Variants in ATG16L1 observed in about 807,000 individuals in gnomAD.
ATG16L1 encodes autophagy related 16 like 1.
ATG16L1 carries 37 observed loss-of-function variants against 88.5 expected under a neutral mutation model. That is an observed-to-expected ratio of 0.42 (90% CI 0.32 to 0.55). ATG16L1 has a LOEUF of 0.55. Ranked by LOEUF, ATG16L1 falls within the 20% of genes least tolerant of loss-of-function variation. The pLI, the probability that ATG16L1 is intolerant of heterozygous loss-of-function variation, is 0.13. For missense variants in ATG16L1, 554 were observed against 752.8 expected, an observed-to-expected ratio of 0.74 and a Z score of 3.09; for synonymous variants, 301 against 281.0, an observed-to-expected ratio of 1.07 and a Z score of -0.71.
intron 12 of ATG16L1, chr2:233,288,619 C>T (rs1269869947): frequency 2.5e-5 from 10 of 400,982 alleles, no homozygotes; most frequent in Non-Finnish European, 4.5e-5. Flanking sequence ...TCAGTGAATA[C>T]CTTCTGAACC....
At chr2:233,286,209 C>A (rs1004234668) in intron 12 of ATG16L1, among the ~76,000 whole-genome samples, 2 of 152,072 alleles carry the variant, frequency 1.3e-5, no homozygotes, top group African/African-American at 4.8e-5. Flanking sequence ...TAAGTTGTTA[C>A]CTGAATGAGC....
At chr2:233,278,323 C>T (rs891034934) in intron 10 of ATG16L1, among the ~76,000 whole-genome samples, 12 of 152,286 alleles carry the variant, frequency 7.9e-5, no homozygotes, top group Admixed American at 3.9e-4. Flanking sequence ...TTGACGTTTT[C>T]GAGATTCAGT....
chr2:233,276,876 A>G (rs1210590691), intron 9 of ATG16L1, among the ~76,000 whole-genome samples: 1 of 152,222 alleles, frequency 6.6e-6, no homozygotes, highest in Non-Finnish European at 1.5e-5. Context: ...TGAAGAATAT[A>G]AATTCTCTTA....
chr2:233,251,760 T>G lies in ATG16L1; in HGVS notation c.-68T>G. 1 of 1,418,572 alleles carries G rather than the reference T, an allele frequency of 7.0e-7. No homozygotes were observed. Among genetic ancestry groups the G allele is most frequent in the South Asian group, 1.2e-5 (1 of 81,386 alleles). 87.9% of individuals were successfully genotyped at this position (1,418,572 alleles called of 1,614,324 possible). On this transcript the variant is annotated 5_prime_UTR_variant, in exon 1 of 18. The change abolishes an upstream ATG in the 5' untranslated region. Transcript: ENST00000392017. ...ATTCCCGCTTCTGCTGGTTGCTTCA[T>G]GCTGCAGGCTGCGGCCGTCAGCCCT...
At chr2:233,274,126 A>G in intron 8 of ATG16L1, 1 of 1,361,494 alleles carries the variant, frequency 7.3e-7, no homozygotes, top group Non-Finnish European at 1.0e-6. Flanking sequence ...GCCCTCAGTC[A>G]TCAGATGTTC....
intron 5 of ATG16L1, among the ~76,000 whole-genome samples, chr2:233,267,825 T>C (rs1697715531): frequency 6.6e-6 from 1 of 152,190 alleles, no homozygotes; most frequent in South Asian, 2.1e-4. Flanking sequence ...CGGGGGGTAA[T>C]GCACATTTCC....
chr2:233,294,744 T>C lies in ATG16L1; in HGVS notation c.*394T>C, dbSNP rs1052568361. On this transcript the variant is annotated 3_prime_UTR_variant, in exon 18 of 18. Transcript: ENST00000392017. Reference sequence around the variant, plus strand: ...TGTGCTTTCTCTCGTCCTTCCAAAGTCGGTTCTGGCCTAACGCATGTCCCA... The same window carrying C: ...TGTGCTTTCTCTCGTCCTTCCAAAGCCGGTTCTGGCCTAACGCATGTCCCA... 12 of 161,610 alleles carry C rather than the reference T, an allele frequency of 7.4e-5. No individual in the cohort carries two copies. The highest frequency in any genetic ancestry group is 6.4e-4 in the Admixed American group (10 of 15,674). The allele number at this position is 161,610 out of a possible 1,614,324, so 10.0% of individuals were successfully genotyped here.
intron 14 of ATG16L1, among the ~76,000 whole-genome samples, 183 bp downstream of exon 14, chr2:233,290,536 T>C (rs1296491839): frequency 1.3e-5 from 2 of 152,156 alleles, no homozygotes; most frequent in African/African-American, 2.4e-5. Context: ...TTAGCAATCA[T>C]TTATTGAGCA....
intron 11 of ATG16L1, among the ~76,000 whole-genome samples, chr2:233,282,456 C>G (rs1479532375): frequency 6.6e-6 from 1 of 152,000 alleles, no homozygotes. Flanking sequence ...CTTGAGGTGT[C>G]TGCAATATTC....
chr2:233,257,179 G>A (rs561815075), intron 2 of ATG16L1, among the ~76,000 whole-genome samples: 2 of 152,226 alleles, frequency 1.3e-5, no homozygotes, highest in Admixed American at 6.5e-5. Flanking sequence ...ACAGGCACCC[G>A]CCACCACGCT....
At chr2:233,287,984 T>G (rs1056593860) in intron 12 of ATG16L1, among the ~76,000 whole-genome samples, 2 of 152,228 alleles carry the variant, frequency 1.3e-5, no homozygotes, top group African/African-American at 4.8e-5. Flanking sequence ...TCATTATTCA[T>G]GGACTGTATC....
intron 10 of ATG16L1, 48 bp downstream of exon 10, chr2:233,277,721 C>G (rs751695346): frequency 1.3e-6 from 2 of 1,509,060 alleles, no homozygotes; most frequent in East Asian, 2.3e-5. Context: ...AGATGATGCA[C>G]CCTTGCACTG....
At chr2:233,255,939 C>T (rs763751460) in intron 1 of ATG16L1, among the ~76,000 whole-genome samples, 163 bp from the exon 2 acceptor site, 2 of 152,108 alleles carry the variant, frequency 1.3e-5, no homozygotes, top group Non-Finnish European at 2.9e-5. Flanking sequence ...TTTTCAGCTC[C>T]CTTTAATAGG....
At chr2:233,285,382 A>G (rs1232616805) in intron 12 of ATG16L1, among the ~76,000 whole-genome samples, 1 of 152,234 alleles carries the variant, frequency 6.6e-6, no homozygotes. Context: ...CCTTTGGGTC[A>G]GAAATAACAA....
chr2:233,277,802 A>G (rs928908559), intron 10 of ATG16L1, 129 bp downstream of exon 10: 1 of 748,086 alleles, frequency 1.3e-6, no homozygotes, highest in East Asian at 2.8e-5. Flanking sequence ...CATTTTCTCA[A>G]AACATACATT....
chr2:233,260,578 T>C (rs542754297), intron 2 of ATG16L1, among the ~76,000 whole-genome samples: 1 of 152,328 alleles, frequency 6.6e-6, no homozygotes, highest in African/African-American at 2.4e-5. Context: ...GCTTGAAACA[T>C]GCCCTCGGAG....
rs200469349 is a variant in ATG16L1, at chr2:233,282,488, G to GA, written c.1132-185dup. Reference sequence around the variant, plus strand: ...ATTCTGATGAAATTGAGCAAGCTCAGAAAAAAAAAGGTCTGAACTCGAAGG... The same window carrying GA: ...ATTCTGATGAAATTGAGCAAGCTCAGAAAAAAAAAAGGTCTGAACTCGAAGG... On this transcript the variant is annotated intron_variant, in intron 11 of 17. Transcript: ENST00000392017. 6.3e-4 allele frequency among the ~76,000 whole-genome samples: 96 copies of GA among 151,320 alleles called. 1 individual carries two copies. Among genetic ancestry groups the GA allele is most frequent in the East Asian group, 7.7e-4 (4 of 5,180 alleles).
chr2:233,293,055 T>G (rs1041112050), intron 16 of ATG16L1, among the ~76,000 whole-genome samples: 2 of 152,226 alleles, frequency 1.3e-5, no homozygotes, highest in Non-Finnish European at 2.9e-5. Flanking sequence ...GATGCCACTG[T>G]TCATTAGCCG....
intron 2 of ATG16L1, among the ~76,000 whole-genome samples, chr2:233,258,723 G>T (rs1696986848): frequency 6.6e-6 from 1 of 152,138 alleles, no homozygotes; most frequent in Admixed American, 6.6e-5. Flanking sequence ...TTGAGGCAGG[G>T]TCTCTCTCTG....
Sources: gnomAD v4.1 joint callset for allele counts (sites outside exome capture counted in the v4.1 genomes callset) on GRCh38, gnomAD v4.1.1 for gene constraint, MANE v1.5 for transcripts, NCBI Gene and HGNC (gene_info 2026-07-23, HGNC 2026-07-21) for gene names.